KCNIP4: variants seen among roughly 807,000 people sequenced by gnomAD.
KCNIP4 encodes the protein potassium voltage-gated channel interacting protein 4.
A neutral mutation model predicts 34.0 loss-of-function variants in KCNIP4; 12 were observed. The observed-to-expected ratio is 0.35, with a 90% CI of 0.23 to 0.57. KCNIP4 has a LOEUF of 0.57. Among genes scored for constraint, KCNIP4 ranks in the 20% least tolerant of loss-of-function variants. KCNIP4 has a pLI of 0.83. For synonymous variants in KCNIP4, 124 were observed against 102.2 expected (o/e 1.21, Z -1.29); for missense variants, 238 against 311.7 (o/e 0.76, Z 1.78).
chr4:21,895,808 C>T (rs1727352617), intron 1 of KCNIP4, among the ~76,000 whole-genome samples: 1 of 152,118 alleles, frequency 6.6e-6, no homozygotes, highest in South Asian at 2.1e-4. Context: ...AGAACCTTCC[C>T]CTGTACTCTC....
chr4:21,710,930 C>T lies in KCNIP4; in HGVS notation c.61+237641G>A, dbSNP rs190649200. 5.1e-3 allele frequency among the ~76,000 whole-genome samples: 773 copies of T among 152,282 alleles called. 6 individuals carry two copies. The highest frequency in any genetic ancestry group is 0.018 in the African/African-American group (744 of 41,550). ...TTCAGTTGTACTGCTATTTCAAACA[C>T]TACTGCAATAACCAGCCCTGTACAC... On this transcript the variant is annotated intron_variant, in intron 1 of 8. Coordinates refer to ENST00000382152, the MANE Select transcript of KCNIP4 (RefSeq NM_025221.6).
intron 1 of KCNIP4, among the ~76,000 whole-genome samples, chr4:20,981,315 G>A (rs1736040663): frequency 6.6e-6 from 1 of 152,124 alleles, no homozygotes; most frequent in Non-Finnish European, 1.5e-5. Context: ...CCATGCTTGG[G>A]TCCCATTCCT....
At chr4:21,034,417 G>C (rs1480176939) in intron 1 of KCNIP4, among the ~76,000 whole-genome samples, 1 of 152,168 alleles carries the variant, frequency 6.6e-6, no homozygotes, top group Non-Finnish European at 1.5e-5. Context: ...GCCTCCTTAT[G>C]TTCTTTCTGT....
intron 1 of KCNIP4, among the ~76,000 whole-genome samples, chr4:21,422,496 G>A (rs969578735): frequency 1.3e-5 from 2 of 152,022 alleles, no homozygotes; most frequent in Non-Finnish European, 2.9e-5. Flanking sequence ...CACCGAGCCT[G>A]GCCCACTTAC....
At chr4:21,391,765 T>A (rs1238278652) in intron 1 of KCNIP4, among the ~76,000 whole-genome samples, 1 of 152,206 alleles carries the variant, frequency 6.6e-6, no homozygotes, top group Non-Finnish European at 1.5e-5. Context: ...TCAGCTGTGC[T>A]AAATTCTTCT....
At chr4:21,595,364 G>A (rs961755684) in intron 1 of KCNIP4, among the ~76,000 whole-genome samples, 5 of 152,050 alleles carry the variant, frequency 3.3e-5, no homozygotes, top group Non-Finnish European at 5.9e-5. Context: ...GTATATATGT[G>A]CCACATTTTC....
At chr4:21,750,348 T>C (rs1717072521) in intron 1 of KCNIP4, among the ~76,000 whole-genome samples, 1 of 152,152 alleles carries the variant, frequency 6.6e-6, no homozygotes. Flanking sequence ...CTAAACTTAA[T>C]AAAGAACACA....
chr4:21,571,789 G>A (rs1233108228), intron 1 of KCNIP4, among the ~76,000 whole-genome samples: 2 of 152,092 alleles, frequency 1.3e-5, no homozygotes, highest in African/African-American at 4.8e-5. Flanking sequence ...AAGATTTAAT[G>A]GGGAGTGTCC....
At chr4:20,766,310 T>C (rs1755408186) in intron 3 of KCNIP4, among the ~76,000 whole-genome samples, 1 of 152,178 alleles carries the variant, frequency 6.6e-6, no homozygotes, top group Non-Finnish European at 1.5e-5. Flanking sequence ...GGGTCATGCC[T>C]GTAATCCCAG....
chr4:21,054,916 T>C (rs148096012), intron 1 of KCNIP4, among the ~76,000 whole-genome samples: 2 of 152,210 alleles, frequency 1.3e-5, no homozygotes, highest in East Asian at 3.9e-4. Flanking sequence ...CATTCATATG[T>C]TGGACTTCAT....
intron 3 of KCNIP4, among the ~76,000 whole-genome samples, chr4:20,793,960 G>A (rs1193604189): frequency 6.6e-6 from 1 of 152,106 alleles, no homozygotes; most frequent in Non-Finnish European, 1.5e-5. Context: ...TGAGTCATGG[G>A]AGTGAATCTT....
At chr4:21,623,865 C>T (rs1368368028) in intron 1 of KCNIP4, among the ~76,000 whole-genome samples, 2 of 152,158 alleles carry the variant, frequency 1.3e-5, no homozygotes, top group Non-Finnish European at 2.9e-5. Flanking sequence ...ACCAGTAGTT[C>T]TTTCTTGTTG....
At chr4:21,682,943 C>T (rs955773301) in intron 1 of KCNIP4, among the ~76,000 whole-genome samples, 23 of 152,100 alleles carry the variant, frequency 1.5e-4, no homozygotes, top group Non-Finnish European at 1.5e-4. Flanking sequence ...TGAAATATTG[C>T]AACGATCATA....
Position 20,844,473 on chromosome 4 carries a change from T to C in KCNIP4, c.288+6070A>G, listed in dbSNP as rs566974946. Among the ~76,000 whole-genome samples the C allele has an allele frequency of 5.3e-5, 8 of 152,226 alleles. No individual in the cohort carries two copies. The East Asian group carries it at 7.7e-4, about 15-fold the overall frequency. ...TCAAAGAGAAGATTTTAATCCCTAATTTGCTGACAGAGAGACAGAAGCCGG... is the reference window on the plus strand; with the variant it reads ...TCAAAGAGAAGATTTTAATCCCTAACTTGCTGACAGAGAGACAGAAGCCGG... On this transcript the variant is annotated intron_variant, in intron 3 of 8. Transcript: ENST00000382152.
chr4:21,054,080 T>C (rs1743181677), intron 1 of KCNIP4, among the ~76,000 whole-genome samples: 1 of 119,300 alleles, frequency 8.4e-6, no homozygotes, highest in African/African-American at 3.6e-5. Flanking sequence ...TACATAATAT[T>C]GACAAAATGT....
At chr4:21,728,581 C>A (rs1715367878) in intron 1 of KCNIP4, among the ~76,000 whole-genome samples, 1 of 152,188 alleles carries the variant, frequency 6.6e-6, no homozygotes, top group Admixed American at 6.5e-5. Context: ...CTGCTCAAGT[C>A]TCTCCAATGA....
chr4:21,656,730 A>T (rs1425608794), intron 1 of KCNIP4: 2 of 152,314 alleles, frequency 1.3e-5, no homozygotes, highest in Admixed American at 6.5e-5. Flanking sequence ...AAATTTCCAG[A>T]TCTCTTTCAG....
At chr4:20,919,836 T>C (rs567975915) in intron 1 of KCNIP4, among the ~76,000 whole-genome samples, 150 of 152,188 alleles carry the variant, frequency 9.9e-4, no homozygotes, top group Non-Finnish European at 1.6e-3. Flanking sequence ...TTATTATCTC[T>C]GAATCCATTT....
intron 1 of KCNIP4, among the ~76,000 whole-genome samples, chr4:21,362,671 C>T (rs1719351750): frequency 6.6e-6 from 1 of 152,158 alleles, no homozygotes; most frequent in Non-Finnish European, 1.5e-5. Flanking sequence ...CACAAATGAA[C>T]TCATTGTCTC....
Sources: allele counts gnomAD v4.1 joint callset (sites outside exome capture counted in the v4.1 genomes callset), GRCh38; gene constraint gnomAD v4.1.1; transcripts MANE v1.5; gene names NCBI Gene and HGNC (gene_info 2026-07-23, HGNC 2026-07-21).